The following ADAMTS19 variants were observed in gnomAD, a reference collection of about 807,000 sequenced individuals.
ADAMTS19 encodes the protein A disintegrin and metalloproteinase with thrombospondin motifs 19.
Under a neutral mutation model 153.3 loss-of-function variants are expected in ADAMTS19, and 93 were observed. The observed-to-expected ratio is 0.61, with a 90% CI of 0.51 to 0.72. ADAMTS19 has a LOEUF of 0.72. Ranked by LOEUF, ADAMTS19 falls within the 30% of genes least tolerant of loss-of-function variation. ADAMTS19 has a pLI of 0.00. For synonymous variants in ADAMTS19, 600 were observed against 556.6 expected (o/e 1.08, Z -1.10); for missense variants, 1,482 against 1,552.1 (o/e 0.95, Z 0.76).
chr5:129,637,583 A>T (rs1005468353), intron 10 of ADAMTS19, among the ~76,000 whole-genome samples: 9 of 152,126 alleles, frequency 5.9e-5, no homozygotes, highest in African/African-American at 2.2e-4. Context: ...GGTGGCTCAC[A>T]CCTATAATCC....
chr5:129,511,237 G>A (rs1373023211), intron 3 of ADAMTS19, among the ~76,000 whole-genome samples: 1 of 151,694 alleles, frequency 6.6e-6, no homozygotes, highest in Non-Finnish European at 1.5e-5. Context: ...TGTTTTCAAG[G>A]TTTTAGGTAG....
chr5:129,624,304 C>T (rs1751925617), intron 10 of ADAMTS19, among the ~76,000 whole-genome samples: 1 of 152,022 alleles, frequency 6.6e-6, no homozygotes, highest in Non-Finnish European at 1.5e-5. Flanking sequence ...GGTCTGTCTC[C>T]GGTACCTCTC....
intron 10 of ADAMTS19, among the ~76,000 whole-genome samples, chr5:129,625,063 G>A (rs1751964337): frequency 2.1e-5 from 3 of 144,520 alleles, no homozygotes; most frequent in Admixed American, 1.5e-4. Flanking sequence ...GTTCAATTTC[G>A]ACCTATGAGT....
intron 21 of ADAMTS19, among the ~76,000 whole-genome samples, chr5:129,707,141 C>G (rs755891309): frequency 1.3e-5 from 2 of 152,108 alleles, no homozygotes; most frequent in African/African-American, 4.8e-5. Flanking sequence ...GTTGTGAGAC[C>G]CACTTTAAGG....
At chr5:129,735,957 G>A (rs1757647065) in intron 22 of ADAMTS19, among the ~76,000 whole-genome samples, 2 of 151,966 alleles carry the variant, frequency 1.3e-5, no homozygotes, top group Admixed American at 1.3e-4. Context: ...TTACCAAAAT[G>A]TAAGAAGATA....
At chr5:129,572,995 G>A (rs1057404807) in intron 7 of ADAMTS19, among the ~76,000 whole-genome samples, 4 of 152,050 alleles carry the variant, frequency 2.6e-5, no homozygotes, top group Non-Finnish European at 5.9e-5. Flanking sequence ...CATTACAACT[G>A]TGTATTCCAC....
intron 6 of ADAMTS19, among the ~76,000 whole-genome samples, chr5:129,544,541 C>CA (rs1294297456): frequency 9.9e-5 from 15 of 152,218 alleles, no homozygotes; most frequent in African/African-American, 3.4e-4. Flanking sequence ...AAAATGTTCC[C>CA]ATTATGAACA....
chr5:129,543,159 C>G (rs934474502), intron 6 of ADAMTS19, among the ~76,000 whole-genome samples: 1 of 151,688 alleles, frequency 6.6e-6, no homozygotes, highest in Non-Finnish European at 1.5e-5. Context: ...AAGTGATTCT[C>G]CTGCCTTAGC....
chr5:129,691,303 A>T (rs990042168), intron 18 of ADAMTS19, among the ~76,000 whole-genome samples: 1 of 152,166 alleles, frequency 6.6e-6, no homozygotes, highest in Non-Finnish European at 1.5e-5. Flanking sequence ...TTTCCCCAAG[A>T]CTAATTTAAT....
At chr5:129,712,191 A>G (rs1471730413) in intron 21 of ADAMTS19, among the ~76,000 whole-genome samples, 2 of 152,184 alleles carry the variant, frequency 1.3e-5, no homozygotes, top group Non-Finnish European at 2.9e-5. Flanking sequence ...ATCATGTAAG[A>G]CAGGAAAATG....
rs755376027 is a variant in ADAMTS19, at chr5:129,528,563, GT to G, written c.1219del (p.Cys407ValfsTer16). On this transcript the variant is annotated frameshift_variant, in exon 6 of 23. Coordinates refer to ENST00000274487, the MANE Select transcript of ADAMTS19 (RefSeq NM_133638.6). LOFTEE classifies it high-confidence loss of function. ...IGHHGEKMLE[S>X]FCKWQHEEFG... is the part of the protein sequence containing the mutation. The stretch of plus-strand genomic sequence containing the variant: ...CATCATGGAGAAAAAATGCTAGAGA[GT>G]TTTTGTAAGTGGCAACATGAAGAAT... The G allele has an allele frequency of 6.2e-7, 1 of 1,602,530 alleles. No individual in the cohort carries two copies. The highest frequency in any genetic ancestry group is 1.1e-5 in the South Asian group (1 of 89,292).
chr5:129,596,282 T>C (rs1750371833), intron 7 of ADAMTS19, among the ~76,000 whole-genome samples: 1 of 152,074 alleles, frequency 6.6e-6, no homozygotes, highest in African/African-American at 2.4e-5. Context: ...AAATTGGTAT[T>C]TATAACCTAT....
At chr5:129,596,717 C>T (rs1426803075) in intron 8 of ADAMTS19, 53 bp downstream of exon 8, 12 of 1,303,642 alleles carry the variant, frequency 9.2e-6, no homozygotes, top group Middle Eastern at 1.9e-4. Context: ...CTTTGTAATT[C>T]GAGTTACTGA....
At chr5:129,512,174 A>T (rs1248963404) in intron 3 of ADAMTS19, among the ~76,000 whole-genome samples, 1 of 152,008 alleles carries the variant, frequency 6.6e-6, no homozygotes, top group African/African-American at 2.4e-5. Context: ...TCAGTAGGAA[A>T]AGAGAAGAGA....
chr5:129,563,204 A>G (rs954224848), intron 7 of ADAMTS19, among the ~76,000 whole-genome samples: 11 of 151,918 alleles, frequency 7.2e-5, no homozygotes, highest in Admixed American at 6.6e-4. Flanking sequence ...ATTAAACAGC[A>G]ATTTGGCATT....
intron 8 of ADAMTS19, among the ~76,000 whole-genome samples, chr5:129,617,295 C>G (rs1198304868): frequency 2.6e-5 from 4 of 151,902 alleles, no homozygotes; most frequent in Non-Finnish European, 5.9e-5. Context: ...ACCAGACCTC[C>G]CCATGGCTGA....
chr5:129,469,244 G>A (rs10061761), intron 2 of ADAMTS19, among the ~76,000 whole-genome samples: 43,399 of 151,966 alleles, frequency 0.29, 8,446 homozygotes, highest in African/African-American at 0.55. Context: ...TCCAGAGATA[G>A]ACAACTAACT....
intron 2 of ADAMTS19, among the ~76,000 whole-genome samples, chr5:129,470,993 A>G (rs574236593): frequency 5.0e-4 from 75 of 150,644 alleles, no homozygotes; most frequent in African/African-American, 1.4e-3. Flanking sequence ...CAGTGAGGCT[A>G]CATCATCAGC....
intron 2 of ADAMTS19, among the ~76,000 whole-genome samples, chr5:129,472,369 C>T (rs1461318737): frequency 1.3e-5 from 2 of 152,154 alleles, no homozygotes; most frequent in Non-Finnish European, 2.9e-5. Context: ...AAACTTCATA[C>T]CCTAAGGATC....
Sources: allele counts gnomAD v4.1 joint callset (sites outside exome capture counted in the v4.1 genomes callset), GRCh38; gene constraint gnomAD v4.1.1; transcripts MANE v1.5; gene names NCBI Gene and HGNC (gene_info 2026-07-23, HGNC 2026-07-21).